PDE8A: variants seen among roughly 807,000 people sequenced by gnomAD.
The protein encoded by PDE8A is phosphodiesterase 8A, also known as high affinity cAMP-specific and IBMX-insensitive 3',5'-cyclic phosphodiesterase 8A.
PDE8A carries 59 observed loss-of-function variants against 105.0 expected under a neutral mutation model. The observed-to-expected ratio is 0.56, with a 90% CI of 0.46 to 0.70. The LOEUF (loss-of-function observed/expected upper bound fraction) is 0.70, where lower values mean the gene tolerates loss of function less well. Among genes scored for constraint, PDE8A ranks in the 30% least tolerant of loss-of-function variants. The pLI is 0.00. For synonymous variants in PDE8A, 355 were observed against 371.9 expected (o/e 0.95, Z 0.52); for missense variants, 1,014 against 1,045.9 (o/e 0.97, Z 0.42).
intron 1 of PDE8A, 127 bp from the exon 2 acceptor site, chr15:85,064,243 C>A (rs2081187517): frequency 1.6e-6 from 1 of 623,536 alleles, no homozygotes; most frequent in Non-Finnish European, 2.8e-6. Flanking sequence ...CATTTATCTA[C>A]TATTTACTTT....
At chr15:85,029,429 T>TC (rs1056821595) in intron 1 of PDE8A, among the ~76,000 whole-genome samples, 2 of 151,666 alleles carry the variant, frequency 1.3e-5, no homozygotes, top group African/African-American at 4.8e-5. Context: ...TTTTTTTTTT[T>TC]TAATGACTTT....
Position 85,136,566 on chromosome 15 carries a change from G to A in PDE8A, c.2286G>A (p.Val762=), listed in dbSNP as rs746010422. The A allele has an allele frequency of 3.7e-6, 6 of 1,613,664 alleles. No individual in the cohort carries two copies. The African/African-American group carries it at 8.0e-5, about 22-fold the overall frequency. ...AAGAGAAGCAGCAGGGCTTACCTGTGGTGATGCCAGTGTTTGACAGAAATA... is the reference window on the plus strand; with the variant it reads ...AAGAGAAGCAGCAGGGCTTACCTGTAGTGATGCCAGTGTTTGACAGAAATA... ...TDEEKQQGLP[V]VMPVFDRNTC... Residue 762 remains valine (V), a synonymous_variant, in exon 21 of 22, where the codon GTG becomes GTA. Transcript: ENST00000394553.
intron 1 of PDE8A, among the ~76,000 whole-genome samples, chr15:85,061,993 G>T (rs1288043006): frequency 6.6e-6 from 1 of 151,604 alleles, no homozygotes; most frequent in African/African-American, 2.4e-5. Flanking sequence ...CATGTTGTTC[G>T]TACATCATTT....
At chr15:85,081,721 T>G (rs2141497506) in intron 5 of PDE8A, among the ~76,000 whole-genome samples, 1 of 152,136 alleles carries the variant, frequency 6.6e-6, no homozygotes, top group Non-Finnish European at 1.5e-5. Flanking sequence ...GATGTTTAGA[T>G]AAAGAGAACA....
At chr15:85,083,748 TG>T (rs1475633604) in intron 6 of PDE8A, 104 bp downstream of exon 6, 4 of 739,730 alleles carry the variant, frequency 5.4e-6, no homozygotes, top group Non-Finnish European at 9.6e-6. Context: ...CTTGCAGAAA[TG>T]GGATTGGAGA....
intron 1 of PDE8A, among the ~76,000 whole-genome samples, chr15:85,006,022 A>G (rs1044222661): frequency 3.3e-5 from 5 of 152,102 alleles, no homozygotes; most frequent in African/African-American, 1.2e-4. Context: ...CTGGAGATTT[A>G]AAAATGGCAA....
intron 7 of PDE8A, chr15:85,090,742 G>A (rs753374959): frequency 2.3e-6 from 1 of 426,784 alleles, no homozygotes; most frequent in Non-Finnish European, 4.6e-6. Flanking sequence ...CTCCTGGTTT[G>A]GCGCTGTGCA....
chr15:85,007,394 G>A (rs2080165313), intron 1 of PDE8A, among the ~76,000 whole-genome samples: 2 of 150,568 alleles, frequency 1.3e-5, no homozygotes, highest in African/African-American at 4.9e-5. Context: ...CAGTGGTACT[G>A]GGAGGGGACA....
chr15:85,034,387 G>A (rs1182936162), intron 1 of PDE8A, among the ~76,000 whole-genome samples: 1 of 152,162 alleles, frequency 6.6e-6, no homozygotes, highest in Middle Eastern at 3.2e-3. Flanking sequence ...AGATGGCAAT[G>A]AGTGTTGACC....
intron 1 of PDE8A, among the ~76,000 whole-genome samples, chr15:85,025,222 A>G (rs1480144663): frequency 2.0e-5 from 3 of 151,946 alleles, no homozygotes; most frequent in Non-Finnish European, 2.9e-5. Context: ...GGCTCCCCCA[A>G]CCCTTACTCC....
intron 1 of PDE8A, among the ~76,000 whole-genome samples, chr15:85,019,837 C>T (rs751630814): frequency 1.5e-4 from 22 of 151,552 alleles, no homozygotes; most frequent in Non-Finnish European, 2.8e-4. Context: ...ACCTTGGCCT[C>T]ACAAAGTGCT....
intron 1 of PDE8A, among the ~76,000 whole-genome samples, chr15:85,046,609 T>A (rs1241681258): frequency 6.6e-6 from 1 of 152,176 alleles, no homozygotes; most frequent in African/African-American, 2.4e-5. Context: ...GAACTCTGTA[T>A]TCCAGTGGGA....
intron 1 of PDE8A, among the ~76,000 whole-genome samples, chr15:85,007,055 AAGAT>A (rs942541019): frequency 2.0e-5 from 3 of 152,186 alleles, no homozygotes; most frequent in Non-Finnish European, 2.9e-5. Context: ...ACATGGGTGA[AAGAT>A]AGACAGTTAG....
intron 1 of PDE8A, among the ~76,000 whole-genome samples, chr15:85,061,795 T>G (rs551570450): frequency 1.3e-5 from 2 of 152,214 alleles, no homozygotes; most frequent in Admixed American, 6.5e-5. Flanking sequence ...TTTTAAAGGT[T>G]TTTTCTCTTT....
rs372625682 is a variant in PDE8A at position 84,993,271 on chromosome 15, G to A, written c.186+10923G>A. 6.7e-4 allele frequency among the ~76,000 whole-genome samples: 102 copies of A among 151,544 alleles called. No homozygotes were observed. The East Asian group carries it at 9.4e-3, about 14-fold the overall frequency. On this transcript the variant is annotated intron_variant, in intron 1 of 21. Coordinates refer to ENST00000394553, the MANE Select transcript of PDE8A (RefSeq NM_002605.3). ...ATCCTGGCTAACACGGTGAAACCCCGTCTCTTCTAAAAATACAAAAAATTA... is the reference window on the plus strand; with the variant it reads ...ATCCTGGCTAACACGGTGAAACCCCATCTCTTCTAAAAATACAAAAAATTA...
intron 6 of PDE8A, among the ~76,000 whole-genome samples, chr15:85,088,544 G>T (rs965786594): frequency 9.9e-5 from 15 of 151,976 alleles, no homozygotes; most frequent in African/African-American, 3.6e-4. Context: ...CCATTTTTTG[G>T]CTTTTCTGAG....
At chr15:85,046,673 AT>A (rs2141408908) in intron 1 of PDE8A, among the ~76,000 whole-genome samples, 1 of 152,340 alleles carries the variant, frequency 6.6e-6, no homozygotes, top group South Asian at 2.1e-4. Flanking sequence ...CCAAATGGTG[AT>A]TGGGAGCTAA....
intron 16 of PDE8A, 83 bp downstream of exon 16, chr15:85,116,202 G>T: frequency 1.4e-6 from 2 of 1,421,276 alleles, no homozygotes; most frequent in South Asian, 1.3e-5. Context: ...TATGGATTGT[G>T]CACAAGCCTG....
At chr15:85,095,876 T>TA (rs1435160480) in intron 8 of PDE8A, among the ~76,000 whole-genome samples, 111 of 64,216 alleles carry the variant, frequency 1.7e-3, no homozygotes, top group African/African-American at 2.6e-3. Context: ...ATATATATAT[T>TA]TTTTTTATAT....
Sources: gnomAD v4.1 joint callset for allele counts (sites outside exome capture counted in the v4.1 genomes callset) on GRCh38, gnomAD v4.1.1 for gene constraint, MANE v1.5 for transcripts, NCBI Gene and HGNC (gene_info 2026-07-23, HGNC 2026-07-21) for gene names.